CPLX2: variants seen among roughly 807,000 people sequenced by gnomAD.
CPLX2 encodes the protein complexin-2.
A neutral mutation model predicts 16.3 loss-of-function variants in CPLX2; 5 were observed. The observed-to-expected ratio is 0.31, with a 90% confidence interval of 0.16 to 0.64. The LOEUF (loss-of-function observed/expected upper bound fraction) is 0.64, where lower values mean the gene tolerates loss of function less well. Among genes scored for constraint, CPLX2 ranks in the 30% least tolerant of loss-of-function variants. The probability of loss-of-function intolerance (pLI) is 0.79; values close to 1 mark genes in which losing one functional copy is unlikely to be tolerated. For missense variants in CPLX2, 144 were observed against 181.4 expected (o/e 0.79, Z 1.18); for synonymous variants, 89 against 73.2 (o/e 1.22, Z -1.10).
In CPLX2 at chr5:175,830,585, T is replaced by C. The variant is rs1758717504; in HGVS notation, c.-89+21517T>C. On this transcript the variant is annotated intron_variant, in intron 2 of 4. Transcript: ENST00000359546. The surrounding 1 kb of genome is among the most constrained non-coding windows in gnomAD (Gnocchi z 4.0). ...CAGGCCATGCGGCACTAACAAGGAC[T>C]CTGGTGGTCTCTTCGAGGGACCCTC... is the stretch of plus-strand genomic sequence containing the variant. Among the ~76,000 whole-genome samples the C allele has an allele frequency of 6.6e-6, 1 of 152,210 alleles. No individual in the cohort carries two copies.
upstream of CPLX2, chr5:175,871,407 A>AG (rs1759591113): frequency 1.3e-5 from 1 of 78,150 alleles, no homozygotes; most frequent in East Asian, 5.5e-4. Flanking sequence ...AGAAAGAGAG[A>AG]GAGGAGAGAG....
At chr5:175,837,212 CCT>C (rs1290820963) in intron 2 of CPLX2, among the ~76,000 whole-genome samples, 1 of 152,176 alleles carries the variant, frequency 6.6e-6, no homozygotes, top group Non-Finnish European at 1.5e-5. Context: ...TGTGCTTCCC[CCT>C]GACCTTCACT....
chr5:175,815,844 C>T (rs770817375), intron 2 of CPLX2, among the ~76,000 whole-genome samples: 2 of 152,188 alleles, frequency 1.3e-5, no homozygotes, highest in South Asian at 4.1e-4. Context: ...TTTTTGTCTG[C>T]TGCTTTTTGA....
chr5:175,844,347 A>G (rs1010287861), intron 2 of CPLX2, among the ~76,000 whole-genome samples: 1 of 152,222 alleles, frequency 6.6e-6, no homozygotes, highest in African/African-American at 2.4e-5. Flanking sequence ...ACCACACAGA[A>G]TTGGTCACGC....
chr5:175,803,748 G>A (rs1489406836), intron 1 of CPLX2, among the ~76,000 whole-genome samples: 1 of 152,210 alleles, frequency 6.6e-6, no homozygotes, highest in Non-Finnish European at 1.5e-5. Flanking sequence ...AGCCAGTAAG[G>A]GGTGGATGGG....
At chr5:175,816,049 A>G (rs1384386876) in intron 2 of CPLX2, among the ~76,000 whole-genome samples, 1 of 152,206 alleles carries the variant, frequency 6.6e-6, no homozygotes, top group Admixed American at 6.5e-5. Flanking sequence ...TCTCCTTAAC[A>G]TGATGTCTTC....
At chr5:175,810,796 C>T (rs938467174) in intron 2 of CPLX2, among the ~76,000 whole-genome samples, 13 of 152,232 alleles carry the variant, frequency 8.5e-5, no homozygotes, top group African/African-American at 2.7e-4. Context: ...TTGTGAAAGT[C>T]TCGCTTTATC....
At chr5:175,850,861 G>C (rs909421749) in intron 2 of CPLX2, among the ~76,000 whole-genome samples, 1 of 152,084 alleles carries the variant, frequency 6.6e-6, no homozygotes, top group African/African-American at 2.4e-5. Flanking sequence ...CGAAGGGGCT[G>C]AGGGAGCCAG....
intron 2 of CPLX2, among the ~76,000 whole-genome samples, chr5:175,864,113 A>G (rs536948193): frequency 6.6e-6 from 1 of 152,300 alleles, no homozygotes; most frequent in African/African-American, 2.4e-5. Flanking sequence ...TGCTGAGGCT[A>G]TGCTGCTATT....
intron 2 of CPLX2, among the ~76,000 whole-genome samples, chr5:175,846,276 T>C (rs1759042881): frequency 6.6e-6 from 1 of 152,090 alleles, no homozygotes; most frequent in African/African-American, 2.4e-5. Context: ...TTCCCAGGGC[T>C]CAAGGGCACC....
At chr5:175,846,571 G>A (rs973132672) in intron 2 of CPLX2, among the ~76,000 whole-genome samples, 2 of 152,116 alleles carry the variant, frequency 1.3e-5, no homozygotes, top group Non-Finnish European at 2.9e-5. Context: ...GAACACTACT[G>A]TATACCACAG....
At chr5:175,878,611 G>A in intron 1 of CPLX2, 41 bp from the exon 2 acceptor site, 1 of 1,046,436 alleles carries the variant, frequency 9.6e-7, no homozygotes, top group Non-Finnish European at 1.4e-6. Flanking sequence ...CCCTGCCTGT[G>A]CAGAGGCCTC....
chr5:175,811,901 A>G (rs568481774), intron 2 of CPLX2, among the ~76,000 whole-genome samples: 5 of 152,346 alleles, frequency 3.3e-5, no homozygotes, highest in African/African-American at 1.2e-4. Context: ...AAGGCAATAG[A>G]AGCCTTTCTT....
intron 2 of CPLX2, among the ~76,000 whole-genome samples, chr5:175,838,394 T>G (rs1440997853): frequency 6.6e-6 from 1 of 151,378 alleles, no homozygotes; most frequent in African/African-American, 2.4e-5. Flanking sequence ...CAGCCTCCCG[T>G]GTAGCAGGGA....
rs529829607 is a variant in CPLX2, at chr5:175,804,089, A to T, written c.-168-4900A>T. Among the ~76,000 whole-genome samples, 855 of 150,056 alleles carry T rather than the reference A, an allele frequency of 5.7e-3. 5 individuals carry two copies. Among genetic ancestry groups the T allele is most frequent in the African/African-American group, 0.012 (489 of 39,702 alleles). On this transcript the variant is annotated intron_variant, in intron 1 of 4. Coordinates refer to the CPLX2 transcript ENST00000359546. ...ATAACTTTTTATGCAATTTTTTTTT[A>T]AATTAATGCAAAAAAACCGTGATGA...
At chr5:175,800,417 G>A (rs533661623) in intron 1 of CPLX2, among the ~76,000 whole-genome samples, 10 of 151,630 alleles carry the variant, frequency 6.6e-5, no homozygotes, top group Non-Finnish European at 1.2e-4. Flanking sequence ...CCCAGGAGGC[G>A]AAGGGTGCAG....
chr5:175,823,945 A>G (rs1469564474), intron 2 of CPLX2, among the ~76,000 whole-genome samples: 1 of 152,140 alleles, frequency 6.6e-6, no homozygotes, highest in African/African-American at 2.4e-5. Context: ...AGGTATTGAA[A>G]TGCGCTTTCA....
chr5:175,841,407 C>T lies in CPLX2; in HGVS notation c.-89+32339C>T, dbSNP rs564985294. Among the ~76,000 whole-genome samples, 11 of 152,312 alleles carry T rather than the reference C, an allele frequency of 7.2e-5. No homozygotes were observed. In the East Asian group the frequency reaches 1.5e-3, roughly 21 times the overall value. On this transcript the variant is annotated intron_variant, in intron 2 of 4. Coordinates refer to the CPLX2 transcript ENST00000359546. ...AGCACAAAGGTGCACCTGGGAGTCA[C>T]GCTTGTGAAGAGGACATTACACACA... is the stretch of plus-strand genomic sequence containing the variant.
intron 2 of CPLX2, among the ~76,000 whole-genome samples, chr5:175,827,038 G>T (rs1044414815): frequency 7.2e-5 from 11 of 152,172 alleles, no homozygotes; most frequent in African/African-American, 2.4e-4. Context: ...TCACAGGGTG[G>T]TTTCTGCTGC....
Sources: allele counts gnomAD v4.1 joint callset (sites outside exome capture counted in the v4.1 genomes callset), GRCh38; gene constraint gnomAD v4.1.1; non-coding constraint Gnocchi (gnomAD v3.1); transcripts MANE v1.5; gene names NCBI Gene and HGNC (gene_info 2026-07-23, HGNC 2026-07-21).